The following SESTD1 variants were observed in gnomAD, a reference collection of about 807,000 sequenced individuals.
SESTD1 encodes SEC14 domain and spectrin repeat-containing protein 1.
Under a neutral mutation model 101.7 loss-of-function variants are expected in SESTD1, and 43 were observed. That is an observed-to-expected ratio of 0.42 (90% confidence interval 0.33 to 0.55). The LOEUF (loss-of-function observed/expected upper bound fraction) is 0.55. SESTD1 is among the 20% of genes least tolerant of loss of function. SESTD1 has a pLI of 0.07. For missense variants in SESTD1, 647 were observed against 815.1 expected, an observed-to-expected ratio of 0.79 and a Z score of 2.51; for synonymous variants, 283 against 286.8, an observed-to-expected ratio of 0.99 and a Z score of 0.13.
At chr2:179,174,942 TAAAA>T (rs71401720) in intron 4 of SESTD1, among the ~76,000 whole-genome samples, 28 of 130,810 alleles carry the variant, frequency 2.1e-4, no homozygotes, top group Admixed American at 3.0e-4. Context: ...GTCCCTGATA[TAAAA>T]AAAAAAAAAA....
intron 1 of SESTD1, among the ~76,000 whole-genome samples, chr2:179,229,998 T>C (rs2046958941): frequency 1.3e-5 from 2 of 148,332 alleles, no homozygotes; most frequent in South Asian, 4.3e-4. Context: ...TTCATCTATA[T>C]AAAATTTCTA....
Position 179,191,784 on chromosome 2 carries a change from T to C in SESTD1, c.55+3A>G. 4 of 1,611,342 alleles carry C rather than the reference T, an allele frequency of 2.5e-6. No homozygotes were observed. The highest frequency in any genetic ancestry group is 3.4e-6 in the Non-Finnish European group (4 of 1,178,254). On this transcript the variant is annotated splice_donor_region_variant and intron_variant, in intron 2 of 17. Transcript: ENST00000428443. Reference sequence around the variant, plus strand: ...CACTTCAAATTTTAAGAAGAAATCATACCTGAAAGGAAGGCTAGTTTTTTC... The same window carrying C: ...CACTTCAAATTTTAAGAAGAAATCACACCTGAAAGGAAGGCTAGTTTTTTC...
chr2:179,112,011 G>A (rs368650235), intron 17 of SESTD1, among the ~76,000 whole-genome samples: 38 of 152,260 alleles, frequency 2.5e-4, no homozygotes, highest in South Asian at 1.7e-3. Context: ...GAGCCACCAC[G>A]CCCGGCTGAA....
At chr2:179,219,845 T>G (rs529772139) in intron 1 of SESTD1, among the ~76,000 whole-genome samples, 1 of 152,286 alleles carries the variant, frequency 6.6e-6, no homozygotes, top group African/African-American at 2.4e-5. Context: ...TAAAAGGGCT[T>G]TCACCAAAAT....
intron 5 of SESTD1, among the ~76,000 whole-genome samples, chr2:179,159,979 C>T (rs1194701928): frequency 2.6e-5 from 4 of 152,190 alleles, no homozygotes; most frequent in African/African-American, 9.7e-5. Flanking sequence ...CTCAGCCTCC[C>T]GAGCAGCTGG....
At chr2:179,130,953 T>C (rs2044998386) in intron 10 of SESTD1, among the ~76,000 whole-genome samples, 1 of 152,118 alleles carries the variant, frequency 6.6e-6, no homozygotes, top group Non-Finnish European at 1.5e-5. Flanking sequence ...TATTTTAGTA[T>C]AAAAGGAAGA....
intron 8 of SESTD1, among the ~76,000 whole-genome samples, chr2:179,146,144 G>A (rs1278796669): frequency 4.0e-5 from 6 of 151,882 alleles, no homozygotes; most frequent in South Asian, 2.1e-4. Flanking sequence ...AACTATGCAC[G>A]CGAGGGATCC....
intron 1 of SESTD1, among the ~76,000 whole-genome samples, chr2:179,227,562 TG>T (rs553349945): frequency 1.1e-3 from 168 of 152,328 alleles, no homozygotes; most frequent in African/African-American, 3.9e-3. Flanking sequence ...TAGTATTTTT[TG>T]AAAGAAAAAG....
At chr2:179,253,926 C>T (rs2047355056) in intron 1 of SESTD1, among the ~76,000 whole-genome samples, 1 of 151,664 alleles carries the variant, frequency 6.6e-6, no homozygotes, top group Non-Finnish European at 1.5e-5. Flanking sequence ...TGGCATAAAC[C>T]CTGAGTCTAT....
At chr2:179,180,333 GA>G (rs1272168125) in intron 3 of SESTD1, among the ~76,000 whole-genome samples, 5 of 152,096 alleles carry the variant, frequency 3.3e-5, no homozygotes, top group African/African-American at 1.2e-4. Context: ...GTCATTGCAT[GA>G]AAAAAACAAT....
At chr2:179,243,642 T>C (rs1445045379) in intron 1 of SESTD1, among the ~76,000 whole-genome samples, 1 of 151,664 alleles carries the variant, frequency 6.6e-6, no homozygotes, top group Admixed American at 6.6e-5. Flanking sequence ...TCATCGTAAG[T>C]GAATTAACAA....
In SESTD1 at chr2:179,106,370, T is replaced by C. The variant is rs879841381; in HGVS notation, c.*3529A>G. 4 of 152,128 alleles carry C rather than the reference T, an allele frequency of 2.6e-5. No individual in the cohort carries two copies. The highest frequency in any genetic ancestry group is 1.3e-4 in the Admixed American group (2 of 15,262). The allele number at this position is 152,128 out of a possible 1,614,324, so 9.4% of individuals were successfully genotyped here. On this transcript the variant is annotated 3_prime_UTR_variant, in exon 18 of 18. Coordinates refer to ENST00000428443, the MANE Select transcript of SESTD1 (RefSeq NM_178123.5). ...AGGATGTGAGAAGGGGAGTAGTACA[T>C]AATAATGCCCAATCTCTATTAGCAA...
At chr2:179,241,714 A>G (rs2047156415) in intron 1 of SESTD1, among the ~76,000 whole-genome samples, 1 of 152,104 alleles carries the variant, frequency 6.6e-6, no homozygotes, top group Non-Finnish European at 1.5e-5. Context: ...CGAGGTCAGG[A>G]GATCGAGACC....
chr2:179,168,948 G>A (rs1021596943), intron 5 of SESTD1, among the ~76,000 whole-genome samples: 4 of 151,996 alleles, frequency 2.6e-5, no homozygotes, highest in East Asian at 1.9e-4. Context: ...TATTAAAGAC[G>A]TATACAGTAA....
At chr2:179,226,121 C>T (rs1303507344) in intron 1 of SESTD1, among the ~76,000 whole-genome samples, 1 of 152,094 alleles carries the variant, frequency 6.6e-6, no homozygotes, top group Admixed American at 6.5e-5. Flanking sequence ...TAAGAGGGAG[C>T]TATAATTCTT....
At chr2:179,259,562 A>G (rs1400406155) in intron 1 of SESTD1, among the ~76,000 whole-genome samples, 1 of 152,128 alleles carries the variant, frequency 6.6e-6, no homozygotes, top group African/African-American at 2.4e-5. Flanking sequence ...TAAGGAAAAC[A>G]GAAGGATCTA....
chr2:179,259,150 G>A (rs1222234313), intron 1 of SESTD1, among the ~76,000 whole-genome samples: 1 of 152,164 alleles, frequency 6.6e-6, no homozygotes, highest in Admixed American at 6.5e-5. Context: ...AAAGGGAAAT[G>A]GAAATCATCT....
At chr2:179,218,062 T>C (rs963300806) in intron 1 of SESTD1, among the ~76,000 whole-genome samples, 2 of 152,186 alleles carry the variant, frequency 1.3e-5, no homozygotes, top group African/African-American at 2.4e-5. Flanking sequence ...CAAACCAATA[T>C]GGCACATGTA....
At chr2:179,114,185 C>T (rs376642801) in intron 16 of SESTD1, among the ~76,000 whole-genome samples, 209 of 152,190 alleles carry the variant, frequency 1.4e-3, no homozygotes, top group African/African-American at 5.0e-3. Flanking sequence ...TCATTAGGCC[C>T]ATGTTAATCA....
Sources: gnomAD v4.1 joint callset for allele counts (sites outside exome capture counted in the v4.1 genomes callset) on GRCh38, gnomAD v4.1.1 for gene constraint, MANE v1.5 for transcripts, NCBI Gene and HGNC (gene_info 2026-07-23, HGNC 2026-07-21) for gene names.